REDIC1: variants seen among roughly 807,000 people sequenced by gnomAD.
The protein encoded by REDIC1 is regulator of DNA class I crossover intermediates 1.
At chr12:39,750,835 A>G in the REDIC1 span, among the ~76,000 whole-genome samples, 1 of 152,120 alleles carries the variant, frequency 6.6e-6, no homozygotes, top group African/African-American at 2.4e-5. Flanking sequence ...TTAATAAATG[A>G]TGTGGGGAAA....
the REDIC1 span, among the ~76,000 whole-genome samples, chr12:39,888,426 T>A: frequency 0.22 from 32,874 of 152,064 alleles, 3,839 homozygotes; most frequent in East Asian, 0.34. Flanking sequence ...GGTTTCACCA[T>A]ATTGGTCAGG....
At chr12:39,782,368 T>C in the REDIC1 span, among the ~76,000 whole-genome samples, 1 of 152,256 alleles carries the variant, frequency 6.6e-6, no homozygotes, top group South Asian at 2.1e-4. Flanking sequence ...TATGCTATTC[T>C]TGTAATAGTG....
chr12:39,769,611 T>C, the REDIC1 span, among the ~76,000 whole-genome samples: 23 of 152,016 alleles, frequency 1.5e-4, no homozygotes, highest in African/African-American at 5.3e-4. Context: ...CTGCCCTTCT[T>C]ATCAGTGTTC....
the REDIC1 span, among the ~76,000 whole-genome samples, chr12:39,674,080 A>G: frequency 6.6e-6 from 1 of 152,178 alleles, no homozygotes; most frequent in Admixed American, 6.5e-5. Context: ...GTTTTTTAGG[A>G]TAATTGCTCT....
chr12:39,626,312 C>G, the REDIC1 span: 1 of 1,613,594 alleles, frequency 6.2e-7, no homozygotes, highest in African/African-American at 1.3e-5. Flanking sequence ...GACACAGGGA[C>G]CTCAGTGTCA....
chr12:39,766,320 T>C, the REDIC1 span, among the ~76,000 whole-genome samples: 1 of 152,106 alleles, frequency 6.6e-6, no homozygotes, highest in African/African-American at 2.4e-5. Context: ...CCACTACATA[T>C]AAAAGTTATG....
the REDIC1 span, among the ~76,000 whole-genome samples, chr12:39,712,438 G>T: frequency 5.2e-5 from 4 of 77,590 alleles, no homozygotes; most frequent in Non-Finnish European, 8.2e-5. Flanking sequence ...ATATACATAC[G>T]TATATGTATA....
chr12:39,897,776 T>C, the REDIC1 span, among the ~76,000 whole-genome samples: 1 of 152,194 alleles, frequency 6.6e-6, no homozygotes, highest in African/African-American at 2.4e-5. Context: ...TCATTTTCCT[T>C]CATTTACTTT....
the REDIC1 span, among the ~76,000 whole-genome samples, chr12:39,771,789 C>T: frequency 6.6e-6 from 1 of 152,144 alleles, no homozygotes; most frequent in Non-Finnish European, 1.5e-5. Context: ...CTCCTTATTC[C>T]AGCAGTCTAC....
chr12:39,639,763 G>T, the REDIC1 span, among the ~76,000 whole-genome samples: 3 of 151,920 alleles, frequency 2.0e-5, no homozygotes, highest in African/African-American at 7.3e-5. Context: ...GTCTAGAATG[G>T]TGGAAGATAT....
chr12:39,859,131 A>G, the REDIC1 span, among the ~76,000 whole-genome samples: 1 of 152,134 alleles, frequency 6.6e-6, no homozygotes, highest in Non-Finnish European at 1.5e-5. Flanking sequence ...CCATCTACAG[A>G]TGAAGCCACA....
chr12:39,891,603 A>T, the REDIC1 span, among the ~76,000 whole-genome samples: 3 of 152,208 alleles, frequency 2.0e-5, no homozygotes, highest in Non-Finnish European at 4.4e-5. Flanking sequence ...AGGAACTTGG[A>T]AATAATGAGT....
chr12:39,850,198 C>T, the REDIC1 span, among the ~76,000 whole-genome samples: 10 of 151,896 alleles, frequency 6.6e-5, no homozygotes, highest in Non-Finnish European at 1.5e-4. Flanking sequence ...CTACTGGAAC[C>T]GAAAAGGAGT....
the REDIC1 span, chr12:39,626,369 G>T: frequency 1.1e-5 from 17 of 1,614,116 alleles, no homozygotes; most frequent in Admixed American, 1.7e-5. Flanking sequence ...GGTAAGTTGT[G>T]CAGCTGGAGT....
chr12:39,704,928 G>C, the REDIC1 span, among the ~76,000 whole-genome samples: 1 of 152,074 alleles, frequency 6.6e-6, no homozygotes, highest in African/African-American at 2.4e-5. Context: ...GTTGTGGCGT[G>C]GGGGGAGGGA....
chr12:39,867,664 C>A, the REDIC1 span, among the ~76,000 whole-genome samples: 11 of 152,088 alleles, frequency 7.2e-5, no homozygotes, highest in Non-Finnish European at 1.3e-4. Context: ...AAAGTTAACT[C>A]TTCTTAAGCC....
chr12:39,894,384 TC>T, the REDIC1 span, among the ~76,000 whole-genome samples: 1 of 152,230 alleles, frequency 6.6e-6, no homozygotes, highest in East Asian at 1.9e-4. Context: ...ACAATATTTT[TC>T]TTAAACTTAT....
At chr12:39,752,239 T>C in the REDIC1 span, among the ~76,000 whole-genome samples, 1 of 152,104 alleles carries the variant, frequency 6.6e-6, no homozygotes, top group Admixed American at 6.5e-5. Flanking sequence ...AGGTGAGCGA[T>C]GGGCAAGTGA....
the REDIC1 span, among the ~76,000 whole-genome samples, chr12:39,652,171 C>T: frequency 1.3e-5 from 2 of 152,018 alleles, no homozygotes; most frequent in Non-Finnish European, 2.9e-5. Context: ...GTGTTTCCCC[C>T]GAGTTTTTGC....
Sources: allele counts gnomAD v4.1 joint callset (sites outside exome capture counted in the v4.1 genomes callset), GRCh38; gene constraint gnomAD v4.1.1; transcripts MANE v1.5; gene names NCBI Gene and HGNC (gene_info 2026-07-23, HGNC 2026-07-21).